Variants in LARGE1 observed in about 807,000 individuals in gnomAD.
LARGE1 encodes xylosyl- and glucuronyltransferase LARGE1.
In LARGE1, 43 loss-of-function variants were observed where a neutral mutation model predicts 87.6. That is an observed-to-expected ratio of 0.49 (90% confidence interval 0.38 to 0.63). The LOEUF is 0.63. Ranked by LOEUF, LARGE1 falls within the 30% of genes least tolerant of loss-of-function variation. LARGE1 has a pLI of 0.00. For synonymous variants in LARGE1, 434 were observed against 394.6 expected (o/e 1.10, Z -1.18); for missense variants, 802 against 1,000.2 (o/e 0.80, Z 2.67).
intron 1 of LARGE1, among the ~76,000 whole-genome samples, chr22:33,778,463 C>T (rs1459150495): frequency 6.6e-6 from 1 of 152,114 alleles, no homozygotes; most frequent in African/African-American, 2.4e-5. Context: ...GAAAGAAAAC[C>T]AGTCACCTCC....
chr22:33,896,747 C>A (rs972786493), intron 1 of LARGE1, among the ~76,000 whole-genome samples: 1 of 152,162 alleles, frequency 6.6e-6, no homozygotes, highest in East Asian at 1.9e-4. Context: ...ACTTTTGCTG[C>A]TGCTCCTACA....
chr22:33,187,369 A>G (rs958374321), intron 11 of LARGE1, among the ~76,000 whole-genome samples: 1 of 149,944 alleles, frequency 6.7e-6, no homozygotes, highest in Non-Finnish European at 1.5e-5. Flanking sequence ...CATTATGTGA[A>G]GTGAAATAAG....
rs756382914 is a variant in LARGE1 at position 33,360,982 on chromosome 22, C to T, written c.1131+20937G>A. ...CTATAATCTCAGCACTTTGGGAGGCCGAGGCGGGTGGATCACGAGGTCGGG... is the reference window on the plus strand; with the variant it reads ...CTATAATCTCAGCACTTTGGGAGGCTGAGGCGGGTGGATCACGAGGTCGGG... On this transcript the variant is annotated intron_variant, in intron 9 of 14. Coordinates refer to ENST00000397394, the MANE Select transcript of LARGE1 (RefSeq NM_133642.5). Among the ~76,000 whole-genome samples the T allele has an allele frequency of 1.1e-4, 17 of 149,304 alleles. 1 individual carries two copies. Among genetic ancestry groups the T allele is most frequent in the Non-Finnish European group, 2.1e-4 (14 of 67,016 alleles).
chr22:33,546,267 T>A (rs1302416414), intron 6 of LARGE1, among the ~76,000 whole-genome samples: 1 of 152,244 alleles, frequency 6.6e-6, no homozygotes, highest in Non-Finnish European at 1.5e-5. Flanking sequence ...GGAATGCAAC[T>A]GACATAGGGA....
chr22:33,596,558 A>G (rs901916307), intron 5 of LARGE1, among the ~76,000 whole-genome samples: 9 of 152,246 alleles, frequency 5.9e-5, no homozygotes, highest in Non-Finnish European at 1.2e-4. Flanking sequence ...ACCCTGCCGA[A>G]TAACACAGGA....
intron 1 of LARGE1, among the ~76,000 whole-genome samples, chr22:33,775,123 C>G (rs2085193148): frequency 6.6e-6 from 1 of 152,336 alleles, no homozygotes; most frequent in African/African-American, 2.4e-5. Context: ...ATTCACTCAA[C>G]TTTTACAATC....
At chr22:33,245,012 T>A (rs1269319254) in intron 11 of LARGE1, among the ~76,000 whole-genome samples, 1 of 152,182 alleles carries the variant, frequency 6.6e-6, no homozygotes, top group African/African-American at 2.4e-5. Context: ...ATAAGCTCCA[T>A]CAAGTTCAAG....
intron 2 of LARGE1, among the ~76,000 whole-genome samples, chr22:33,704,421 G>A (rs777173536): frequency 2.0e-5 from 3 of 152,138 alleles, no homozygotes; most frequent in Admixed American, 6.5e-5. Flanking sequence ...CTCCAGGAAC[G>A]GGACAGGCAA....
chr22:33,613,858 A>G (rs1438528971), intron 4 of LARGE1, among the ~76,000 whole-genome samples: 2 of 152,146 alleles, frequency 1.3e-5, no homozygotes, highest in East Asian at 3.9e-4. Context: ...CTCAATTTCC[A>G]AAACAGAAAT....
chr22:33,490,499 A>G (rs2069788921), intron 6 of LARGE1, among the ~76,000 whole-genome samples: 1 of 152,226 alleles, frequency 6.6e-6, no homozygotes, highest in South Asian at 2.1e-4. Context: ...TTCTATAACT[A>G]CTATTACTAC....
At chr22:33,735,143 G>C (rs772140238) in intron 2 of LARGE1, among the ~76,000 whole-genome samples, 55 of 152,320 alleles carry the variant, frequency 3.6e-4, no homozygotes, top group Non-Finnish European at 6.3e-4. Context: ...AAGGACAAAG[G>C]CTGATCATGA....
At chr22:33,729,180 T>C (rs569978175) in intron 2 of LARGE1, among the ~76,000 whole-genome samples, 4 of 152,264 alleles carry the variant, frequency 2.6e-5, no homozygotes, top group Non-Finnish European at 5.9e-5. Flanking sequence ...TTAAAACACA[T>C]GTATATAGAA....
chr22:33,162,159 G>A (rs1922049910), downstream of LARGE1: 1 of 152,074 alleles, frequency 6.6e-6, no homozygotes, highest in Non-Finnish European at 1.5e-5. Context: ...TCATTATAAT[G>A]AGATAATACC....
intron 6 of LARGE1, among the ~76,000 whole-genome samples, chr22:33,478,814 C>T (rs1407705640): frequency 6.6e-6 from 1 of 152,110 alleles, no homozygotes; most frequent in African/African-American, 2.4e-5. Flanking sequence ...CAGGGATAGT[C>T]CAAGTCCCTG....
intron 4 of LARGE1, among the ~76,000 whole-genome samples, chr22:33,606,428 G>GAAATAAAATGAAATA (rs2079264050): frequency 6.7e-6 from 1 of 148,724 alleles, no homozygotes; most frequent in African/African-American, 2.5e-5. Context: ...AAAATAAAAT[G>GAAATAAAATGAAATA]AAATAAAATA....
At chr22:33,293,714 C>A (rs1006488533) in intron 12 of LARGE1, among the ~76,000 whole-genome samples, 1 of 152,140 alleles carries the variant, frequency 6.6e-6, no homozygotes, top group African/African-American at 2.4e-5. Context: ...CTTGAATGAG[C>A]AAAGTGGAGC....
chr22:33,438,694 G>A (rs2067360894), intron 6 of LARGE1, among the ~76,000 whole-genome samples: 1 of 152,186 alleles, frequency 6.6e-6, no homozygotes, highest in African/African-American at 2.4e-5. Flanking sequence ...AGTGCATCTG[G>A]CATGAAAAGG....
chr22:33,498,263 G>T (rs1009335839), intron 6 of LARGE1, among the ~76,000 whole-genome samples: 2 of 152,040 alleles, frequency 1.3e-5, no homozygotes, highest in African/African-American at 4.8e-5. Context: ...ACGGTGGAGG[G>T]GAGGGTTCAG....
At chr22:33,381,805 T>C (rs1601644508) in intron 9 of LARGE1, 114 bp downstream of exon 9, 5 of 1,354,160 alleles carry the variant, frequency 3.7e-6, no homozygotes, top group Non-Finnish European at 5.3e-6. Flanking sequence ...TGCTCTCCTG[T>C]GCCCTTATCT....
Sources: gnomAD v4.1 joint callset for allele counts (sites outside exome capture counted in the v4.1 genomes callset) on GRCh38, gnomAD v4.1.1 for gene constraint, MANE v1.5 for transcripts, NCBI Gene and HGNC (gene_info 2026-07-23, HGNC 2026-07-21) for gene names.